The following CRY2 variants were observed in gnomAD, a reference collection of about 807,000 sequenced individuals.
CRY2 encodes cryptochrome circadian regulator 2, also known as cryptochrome-2.
In CRY2, 31 loss-of-function variants were observed where a neutral mutation model predicts 69.5. The observed-to-expected ratio is 0.45, with a 90% confidence interval of 0.34 to 0.60. CRY2 has a LOEUF of 0.60. Among genes scored for constraint, CRY2 ranks in the 20% least tolerant of loss-of-function variants. The pLI is 0.02. For synonymous variants in CRY2, 303 were observed against 312.2 expected (o/e 0.97, Z 0.31); for missense variants, 606 against 797.8 (o/e 0.76, Z 2.90).
chr11:45,863,239 A>G (rs536371863), intron 5 of CRY2, among the ~76,000 whole-genome samples: 1 of 152,332 alleles, frequency 6.6e-6, no homozygotes, highest in East Asian at 1.9e-4. Flanking sequence ...TTGAAGACAA[A>G]GGTTGGGCCA....
At chr11:45,858,427 T>C (rs1313093363) in intron 2 of CRY2, 1 of 271,808 alleles carries the variant, frequency 3.7e-6, no homozygotes, top group Non-Finnish European at 7.0e-6. Context: ...CCAGGAGCGT[T>C]GTATTTATGG....
In CRY2 at chr11:45,881,931, T is replaced by G. The variant is rs1280216982; in HGVS notation, c.*1020T>G. 1 of 152,292 alleles carries G rather than the reference T, an allele frequency of 6.6e-6. No homozygotes were observed. Among genetic ancestry groups the G allele is most frequent in the Non-Finnish European group, 1.5e-5 (1 of 68,066 alleles). 9.4% of individuals were successfully genotyped at this position (152,292 alleles called of 1,614,324 possible). A position where few individuals can be genotyped will look rare whatever the true frequency, so the allele number is the denominator to read the frequency against. ...TTCTGTTGGCTTCCAGGGCCTGTCC[T>G]GGACTTGTCAGCATCCAGACTGCCA... On this transcript the variant is annotated 3_prime_UTR_variant, in exon 12 of 12. Transcript: ENST00000616080.
chr11:45,861,718 A>G lies in CRY2; in HGVS notation c.653-342A>G, dbSNP rs922270994. The G allele has an allele frequency of 1.5e-5, 4 of 268,236 alleles. No individual in the cohort carries two copies. The South Asian group carries it at 1.5e-4, about 10-fold the overall frequency. 16.6% of individuals were successfully genotyped at this position (268,236 alleles called of 1,614,324 possible). ...CGGCCTCCCAAAGTGCTGGGATTACAGACGTGAGCCACACCTCCAGTCTTT... is the reference window on the plus strand; with the variant it reads ...CGGCCTCCCAAAGTGCTGGGATTACGGACGTGAGCCACACCTCCAGTCTTT... On this transcript the variant is annotated intron_variant, in intron 4 of 11. Transcript: ENST00000616080.
chr11:45,854,383 T>A lies in CRY2; in HGVS notation c.216-1599T>A, dbSNP rs186909719. Among the ~76,000 whole-genome samples the A allele has an allele frequency of 1.6e-3, 245 of 152,204 alleles. 1 individual carries two copies. The highest frequency in any genetic ancestry group is 5.8e-3 in the African/African-American group (240 of 41,516). On this transcript the variant is annotated intron_variant, in intron 1 of 11. Transcript: ENST00000616080. ...AACAGAGTTGGTGTGCAACTAGAAA[T>A]CTTTAGAAATGGGGCACAGAACCCT...
chr11:45,858,404 G>A (rs1012609395), intron 2 of CRY2: 1 of 246,892 alleles, frequency 4.1e-6, no homozygotes, highest in African/African-American at 2.2e-5. Context: ...CACTCTCTGG[G>A]ACTGGGGGTT....
chr11:45,872,171 CA>C lies in CRY2; in HGVS notation c.1723del (p.Ser575AlafsTer48). On this transcript the variant is annotated frameshift_variant, in exon 11 of 12. Coordinates refer to ENST00000616080, the MANE Select transcript of CRY2 (RefSeq NM_021117.5). LOFTEE classifies it high-confidence loss of function. ...CCGAGGAACCACCTGGTGAAGAACT[CA>C]GCAAACGGGCCCGGGTGGCAGAGTT... ...AAEEPPGEELSKRARVAELPT... is the reference protein window; with the variant it reads ...AAEEPPGEELXKRARVAELPT... 1 of 1,614,154 alleles carries C rather than the reference CA, an allele frequency of 6.2e-7. No homozygotes were observed. Among genetic ancestry groups the C allele is most frequent in the Non-Finnish European group, 8.5e-7 (1 of 1,180,036 alleles).
chr11:45,854,323 A>G (rs2134629924), intron 1 of CRY2, among the ~76,000 whole-genome samples: 1 of 152,328 alleles, frequency 6.6e-6, no homozygotes, highest in East Asian at 1.9e-4. Flanking sequence ...ACAGGATTCC[A>G]AACTCCTGAG....
At chr11:45,862,877 A>G (rs928083800) in intron 5 of CRY2, among the ~76,000 whole-genome samples, 2 of 152,204 alleles carry the variant, frequency 1.3e-5, no homozygotes, top group Non-Finnish European at 2.9e-5. Flanking sequence ...CCCTGCAGCT[A>G]GAGGAGCAGA....
Position 45,870,525 on chromosome 11 carries a change from G to A in CRY2, c.1542G>A (p.Arg514=). 1 of 1,614,008 alleles carries A rather than the reference G, an allele frequency of 6.2e-7. No individual in the cohort carries two copies. Among genetic ancestry groups the A allele is most frequent in the Non-Finnish European group, 8.5e-7 (1 of 1,180,016 alleles). ...TTTACCAGCAGCTTTCGCGCTACCG[G>A]GGACTCTGTAAGGAGACAAACACCT... ...KQIYQQLSRY[R]GLCLLASVPS... Residue 514 remains arginine (R), a synonymous_variant, in exon 9 of 12, where the codon CGG becomes CGA. Transcript: ENST00000616080.
At chr11:45,866,207 C>G (rs1000979836) in intron 5 of CRY2, among the ~76,000 whole-genome samples, 2 of 152,158 alleles carry the variant, frequency 1.3e-5, no homozygotes, top group African/African-American at 2.4e-5. Context: ...GCCTGAGAGG[C>G]AGCCAAGTAG....
In CRY2 at chr11:45,847,516, C is replaced by T. The variant is rs1590758837; in HGVS notation, c.26C>T (p.Ala9Val). The T allele has an allele frequency of 5.0e-6, 8 of 1,590,856 alleles. No individual in the cohort carries two copies. The Admixed American group carries it at 1.1e-4, about 21-fold the overall frequency. ...ATGGCGGCGACTGTGGCGACGGCGG[C>T]AGCTGTGGCCCCGGCGCCAGCGCCC... MAATVATA[A>V]AVAPAPAPGT... is the part of the protein sequence containing the mutation. Residue 9 changes from alanine (A) to valine (V), a missense_variant, in exon 1 of 12, where the codon GCA becomes GTA. Transcript: ENST00000616080.
At chr11:45,847,822 C>A in intron 1 of CRY2, 117 bp downstream of exon 1, 1 of 1,329,672 alleles carries the variant, frequency 7.5e-7, no homozygotes, top group Non-Finnish European at 1.0e-6. Flanking sequence ...AGGGGAGAAG[C>A]CGAGACCGGG....
At position 45,849,459 on chromosome 11, in the gene CRY2, C is replaced by A. The variant is rs1184695176; in HGVS notation, c.215+1754C>A. Among the ~76,000 whole-genome samples the A allele has an allele frequency of 2.0e-5, 3 of 152,090 alleles. No homozygotes were observed. In the East Asian group the frequency reaches 5.8e-4, roughly 29 times the overall value. ...TGTCTGTGCTCCAGAACTCCTGGAGCCTACATTTTACCAACAAACAACCAT... is the reference window on the plus strand; with the variant it reads ...TGTCTGTGCTCCAGAACTCCTGGAGACTACATTTTACCAACAAACAACCAT... On this transcript the variant is annotated intron_variant, in intron 1 of 11. Transcript: ENST00000616080.
At position 45,882,277 on chromosome 11, in the gene CRY2, T is replaced by TGC; in HGVS notation, c.*1367_*1368insCG. 4.8e-6 allele frequency: 1 copy of TGC among 208,896 alleles called. No individual in the cohort carries two copies. The highest frequency in any genetic ancestry group is 9.5e-6 in the Non-Finnish European group (1 of 105,128). The allele number at this position is 208,896 out of a possible 1,614,324, so 12.9% of individuals were successfully genotyped here. ...TTGAGCCACAAAGTGTGTGTGTGTG[T>TGC]GTGCGTGTGTGGTACGTGTGTGTGT... On this transcript the variant is annotated 3_prime_UTR_variant, in exon 12 of 12. Transcript: ENST00000616080.
intron 4 of CRY2, 63 bp from the exon 5 acceptor site, chr11:45,861,997 G>C (rs2086291863): frequency 7.3e-7 from 1 of 1,374,526 alleles, no homozygotes; most frequent in Non-Finnish European, 1.0e-6. Flanking sequence ...TAACAGAACA[G>C]CCGTGCCGGG....
At chr11:45,860,719 C>G (rs2086280892) in intron 3 of CRY2, 129 bp from the exon 4 acceptor site, 2 of 971,336 alleles carry the variant, frequency 2.1e-6, no homozygotes, top group African/African-American at 1.6e-5. Flanking sequence ...TCCACTCAGG[C>G]ATGGGACCTG....
intron 3 of CRY2, among the ~76,000 whole-genome samples, chr11:45,860,377 T>C (rs1178163189): frequency 2.4e-5 from 3 of 125,226 alleles, no homozygotes; most frequent in Non-Finnish European, 5.1e-5. Context: ...TTCCTTATGA[T>C]GTTAGAGTTA....
chr11:45,869,382 C>A, intron 6 of CRY2, 124 bp from the exon 7 acceptor site: 1 of 1,007,526 alleles, frequency 9.9e-7, no homozygotes, highest in Non-Finnish European at 1.5e-6. Context: ...ATAGTCCCTC[C>A]ACATCTGGCA....
chr11:45,870,020 C>T (rs1181073127), intron 7 of CRY2, 33 bp from the exon 8 acceptor site: 1 of 1,563,622 alleles, frequency 6.4e-7, no homozygotes, highest in Non-Finnish European at 8.7e-7. Flanking sequence ...CTGCATGTCC[C>T]CAAGGAGGCT....
Sources: gnomAD v4.1 joint callset for allele counts (sites outside exome capture counted in the v4.1 genomes callset) on GRCh38, gnomAD v4.1.1 for gene constraint, MANE v1.5 for transcripts, NCBI Gene and HGNC (gene_info 2026-07-23, HGNC 2026-07-21) for gene names.